GUCY2C: variants seen among roughly 807,000 people sequenced by gnomAD.
GUCY2C encodes guanylate cyclase 2C, also known as guanylyl cyclase C.
Under a neutral mutation model 131.1 loss-of-function variants are expected in GUCY2C, and 118 were observed. The observed-to-expected ratio is 0.90, with a 90% CI of 0.78 to 1.05. The LOEUF (loss-of-function observed/expected upper bound fraction) is 1.05, where lower values mean the gene tolerates loss of function less well. Ranked by LOEUF, GUCY2C falls within the 50% of genes least tolerant of loss-of-function variation. The pLI is 0.00. For synonymous variants in GUCY2C, 452 were observed against 457.8 expected (o/e 0.99, Z 0.16); for missense variants, 1,161 against 1,304.4 (o/e 0.89, Z 1.69).
intron 5 of GUCY2C, among the ~76,000 whole-genome samples, chr12:14,681,023 G>T (rs1023454768): frequency 1.1e-4 from 17 of 152,096 alleles, no homozygotes; most frequent in African/African-American, 4.1e-4. Flanking sequence ...CCAATAATAT[G>T]TTGGATTGAG....
intron 24 of GUCY2C, among the ~76,000 whole-genome samples, 155 bp from the exon 25 acceptor site, chr12:14,616,882 CAG>C (rs1946774556): frequency 6.6e-6 from 1 of 152,144 alleles, no homozygotes; most frequent in Admixed American, 6.5e-5. Flanking sequence ...AAAATAACAT[CAG>C]AGAGATAAGA....
At chr12:14,691,164 T>G (rs1948568391) in intron 1 of GUCY2C, among the ~76,000 whole-genome samples, 1 of 152,186 alleles carries the variant, frequency 6.6e-6, no homozygotes, top group Non-Finnish European at 1.5e-5. Context: ...TCTACCAACT[T>G]TGCTTTTTTA....
In GUCY2C at chr12:14,689,475, C is replaced by T. The variant is rs572858798; in HGVS notation, c.218-1412G>A. 2.0e-5 allele frequency among the ~76,000 whole-genome samples: 3 copies of T among 152,272 alleles called. No individual in the cohort carries two copies. The East Asian group carries it at 5.8e-4, about 29-fold the overall frequency. ...AGAAATAGTTATTAATGCAATCATT[C>T]TTATTGATAAAAAGCTGTCACATCT... On this transcript the variant is annotated intron_variant, in intron 1 of 26. Coordinates refer to ENST00000261170, the MANE Select transcript of GUCY2C (RefSeq NM_004963.4).
At chr12:14,658,119 A>T (rs1292364348) in intron 11 of GUCY2C, among the ~76,000 whole-genome samples, 1 of 152,114 alleles carries the variant, frequency 6.6e-6, no homozygotes, top group Non-Finnish European at 1.5e-5. Flanking sequence ...AATTATATAG[A>T]ATTATGTATT....
chr12:14,644,644 C>T (rs1040475072), intron 16 of GUCY2C, among the ~76,000 whole-genome samples: 15 of 151,982 alleles, frequency 9.9e-5, no homozygotes, highest in Admixed American at 7.9e-4. Context: ...TTTCCTATCA[C>T]GTCTCAAAAT....
chr12:14,673,921 C>T lies in GUCY2C; in HGVS notation c.1084+704G>A, dbSNP rs559791127. Among the ~76,000 whole-genome samples the T allele has an allele frequency of 1.1e-4, 17 of 152,304 alleles. No individual in the cohort carries two copies. In the East Asian group the frequency reaches 2.9e-3, roughly 26 times the overall value. On this transcript the variant is annotated intron_variant, in intron 8 of 26. Coordinates refer to ENST00000261170, the MANE Select transcript of GUCY2C (RefSeq NM_004963.4). ...ACACCATAGCCCCTGGTGCAGCCCT[C>T]AGTCCTAATGCTGGGCACCTGCTGC...
At chr12:14,660,731 G>A (rs2137053018) in intron 11 of GUCY2C, among the ~76,000 whole-genome samples, 1 of 152,310 alleles carries the variant, frequency 6.6e-6, no homozygotes, top group South Asian at 2.1e-4. Context: ...ACACGCTTAA[G>A]ACCACAGAAC....
intron 15 of GUCY2C, among the ~76,000 whole-genome samples, chr12:14,647,907 C>G (rs907983253): frequency 9.9e-5 from 15 of 151,322 alleles, no homozygotes; most frequent in Admixed American, 9.9e-4. Flanking sequence ...GTATTTGAGG[C>G]TTTTGCATTT....
At chr12:14,686,349 T>G (rs1948469803) in intron 2 of GUCY2C, 124 bp from the exon 3 acceptor site, 2 of 690,630 alleles carry the variant, frequency 2.9e-6, no homozygotes, top group Non-Finnish European at 2.6e-6. Flanking sequence ...ATGCTCAAAC[T>G]CAGAGCAACA....
chr12:14,624,644 T>C (rs896459189), intron 21 of GUCY2C, among the ~76,000 whole-genome samples: 2 of 152,222 alleles, frequency 1.3e-5, no homozygotes, highest in Admixed American at 6.5e-5. Context: ...TGTTTTAGTT[T>C]TATCTTGCGC....
At position 14,673,295 on chromosome 12, in the gene GUCY2C, T is replaced by G. The variant is rs537379035; in HGVS notation, c.1085-337A>C. Among the ~76,000 whole-genome samples the G allele has an allele frequency of 2.0e-4, 31 of 152,318 alleles. No individual in the cohort carries two copies. The South Asian group carries it at 6.2e-3, about 31-fold the overall frequency. On this transcript the variant is annotated intron_variant, in intron 8 of 26. Coordinates refer to ENST00000261170, the MANE Select transcript of GUCY2C (RefSeq NM_004963.4). ...TATTTCCTGAACTCCTAGCATAGTG[T>G]ATAGGGTCACTGCACAATCTTAACA...
chr12:14,687,409 C>T (rs1302895933), intron 2 of GUCY2C, among the ~76,000 whole-genome samples: 1 of 152,132 alleles, frequency 6.6e-6, no homozygotes, highest in African/African-American at 2.4e-5. Context: ...CACTTAAGCT[C>T]AGGAGTTTGA....
chr12:14,685,159 A>G (rs908354217), intron 3 of GUCY2C, among the ~76,000 whole-genome samples: 8 of 152,232 alleles, frequency 5.3e-5, no homozygotes, highest in South Asian at 2.1e-4. Flanking sequence ...TGGTGAATCA[A>G]TTTTTCCAAT....
At chr12:14,616,757 C>A in intron 24 of GUCY2C, 30 bp from the exon 25 acceptor site, 1 of 1,212,244 alleles carries the variant, frequency 8.2e-7, no homozygotes, top group Non-Finnish European at 1.2e-6. Flanking sequence ...AATAAAAATC[C>A]CAGCTAGTAC....
rs566485984 is a variant in GUCY2C, at chr12:14,671,299, G to A, written c.1171-1466C>T. ...ATTACAGGCATGCACCACCATGCCC[G>A]GCTAATTTTTGTATTTTTAGTAGAG... On this transcript the variant is annotated intron_variant, in intron 9 of 26. Transcript: ENST00000261170. 4.6e-5 allele frequency among the ~76,000 whole-genome samples: 7 copies of A among 152,088 alleles called. No individual in the cohort carries two copies. In the East Asian group the frequency reaches 7.8e-4, roughly 17 times the overall value.
intron 15 of GUCY2C, among the ~76,000 whole-genome samples, chr12:14,650,159 A>G (rs1417829926): frequency 6.6e-6 from 1 of 152,174 alleles, no homozygotes; most frequent in Admixed American, 6.5e-5. Context: ...TTGATTTAAA[A>G]TGATTGATAT....
chr12:14,656,734 G>C (rs1052281198), intron 11 of GUCY2C, 117 bp from the exon 12 acceptor site: 4 of 541,718 alleles, frequency 7.4e-6, no homozygotes, highest in Non-Finnish European at 1.0e-5. Context: ...TGTGAGGGAA[G>C]GTAGCCCAAT....
intron 19 of GUCY2C, among the ~76,000 whole-genome samples, chr12:14,637,216 CTAGGAA>C (rs1947289656): frequency 1.6e-5 from 2 of 127,462 alleles, no homozygotes; most frequent in Non-Finnish European, 3.4e-5. Context: ...AAAAAACCAC[CTAGGAA>C]TATATTTAAC....
At position 14,674,517 on chromosome 12, in the gene GUCY2C, A is replaced by G. The variant is rs774618718; in HGVS notation, c.1084+108T>C. 7.4e-6 allele frequency: 7 copies of G among 941,746 alleles called. No individual in the cohort carries two copies. In the African/African-American group the frequency reaches 1.0e-4, roughly 14 times the overall value. 58.3% of individuals were successfully genotyped at this position (941,746 alleles called of 1,614,324 possible). A position where few individuals can be genotyped will look rare whatever the true frequency, so the allele number is the denominator to read the frequency against. On this transcript the variant is annotated intron_variant, in intron 8 of 26. Coordinates refer to ENST00000261170, the MANE Select transcript of GUCY2C (RefSeq NM_004963.4). Reference sequence around the variant, plus strand: ...TTTGCATCCAGTTGAGTTCAAAGGGATTTAGCTGTGGAATCATCTATTGCT... The same window carrying G: ...TTTGCATCCAGTTGAGTTCAAAGGGGTTTAGCTGTGGAATCATCTATTGCT...
Sources: allele counts gnomAD v4.1 joint callset (sites outside exome capture counted in the v4.1 genomes callset), GRCh38; gene constraint gnomAD v4.1.1; transcripts MANE v1.5; gene names NCBI Gene and HGNC (gene_info 2026-07-23, HGNC 2026-07-21).